GALNS: variants seen among roughly 807,000 people sequenced by gnomAD.
The protein encoded by GALNS is N-acetylgalactosamine-6-sulfatase.
In GALNS, 65 loss-of-function variants were observed where a neutral mutation model predicts 65.9. The ratio of observed to expected loss-of-function variants is 0.99; its 90% confidence interval spans 0.81 to 1.21. GALNS has a LOEUF of 1.21. Ranked by LOEUF, GALNS falls within the 50% of genes most tolerant of loss-of-function variation. GALNS has a pLI of 0.00. For missense variants in GALNS, 776 were observed against 700.7 expected, an observed-to-expected ratio of 1.11 and a Z score of -1.21; for synonymous variants, 346 against 288.9, an observed-to-expected ratio of 1.20 and a Z score of -2.00.
At chr16:88,842,516 C>A (rs1235402446) in intron 2 of GALNS, 190 bp downstream of exon 2, 1 of 681,188 alleles carries the variant, frequency 1.5e-6, no homozygotes, top group Non-Finnish European at 2.4e-6. Context: ...CCAGCAGGTG[C>A]CGCACCCCAC....
chr16:88,853,603 C>T (rs1967611316), intron 1 of GALNS, among the ~76,000 whole-genome samples: 1 of 152,202 alleles, frequency 6.6e-6, no homozygotes, highest in Admixed American at 6.5e-5. Context: ...CAGAGTGCTG[C>T]TCGCCCTGGG....
chr16:88,855,150 T>C lies in GALNS; in HGVS notation c.120+1608A>G, dbSNP rs952390933. The C allele has an allele frequency of 9.9e-6, 6 of 609,090 alleles. No homozygotes were observed. In the East Asian group the frequency reaches 2.0e-4, roughly 20 times the overall value. 37.7% of individuals were successfully genotyped at this position (609,090 alleles called of 1,614,324 possible). On this transcript the variant is annotated intron_variant, in intron 1 of 13. Coordinates refer to ENST00000268695, the MANE Select transcript of GALNS (RefSeq NM_000512.5). The stretch of plus-strand genomic sequence containing the variant: ...AAATACAGACTAACTTTATATTTTA[T>C]TTAACCCAACATAACCAAAATATTA...
intron 1 of GALNS, among the ~76,000 whole-genome samples, chr16:88,848,824 G>A (rs560676946): frequency 2.6e-5 from 4 of 152,336 alleles, no homozygotes; most frequent in African/African-American, 4.8e-5. Flanking sequence ...CCCGGGGACC[G>A]CGGGAGGACA....
intron 1 of GALNS, chr16:88,856,418 G>A: frequency 4.3e-6 from 3 of 701,240 alleles, no homozygotes; most frequent in Middle Eastern, 2.4e-4. Context: ...TCAGACGGGG[G>A]AGGCAGGGCC....
At chr16:88,834,317 G>A (rs1236864567) in intron 8 of GALNS, among the ~76,000 whole-genome samples, 1 of 146,428 alleles carries the variant, frequency 6.8e-6, no homozygotes, top group African/African-American at 2.5e-5. Flanking sequence ...CGAGGCTGTA[G>A]GGCTCTCCCC....
intron 1 of GALNS, among the ~76,000 whole-genome samples, chr16:88,852,556 G>A (rs1322976766): frequency 2.6e-5 from 4 of 152,248 alleles, no homozygotes; most frequent in Admixed American, 6.5e-5. Flanking sequence ...ACAGAAGTAG[G>A]CTTCAGAAAG....
chr16:88,818,272 G>GC lies in GALNS; in HGVS notation c.1365-149dup, dbSNP rs1909848246. On this transcript the variant is annotated intron_variant, in intron 12 of 13. Transcript: ENST00000268695. ...GGACCATGTGCTCAAGCCTGCAGCG[G>GC]CCCCGGGCCTCGCTAGGACAGGCAG... 4.2e-6 allele frequency: 3 copies of GC among 720,066 alleles called. No individual in the cohort carries two copies. In the East Asian group the frequency reaches 8.1e-5, roughly 20 times the overall value. The allele number at this position is 720,066 out of a possible 1,614,324, so 44.6% of individuals were successfully genotyped here. A position where few individuals can be genotyped will look rare whatever the true frequency, so the allele number is the denominator to read the frequency against.
At chr16:88,853,407 G>A (rs1441829814) in intron 1 of GALNS, among the ~76,000 whole-genome samples, 5 of 152,118 alleles carry the variant, frequency 3.3e-5, no homozygotes, top group Admixed American at 3.3e-4. Context: ...GGATTATTAT[G>A]AAGACGAGCA....
rs192951086 is a variant in GALNS at position 88,830,978 on chromosome 16, T to C, written c.1002+1020A>G. The stretch of plus-strand genomic sequence containing the variant: ...AAGCTCATGGTGCCCACCAGCATGC[T>C]AAAGGCACTGATAAGTCCTGCAGGG... On this transcript the variant is annotated intron_variant, in intron 9 of 13. Coordinates refer to ENST00000268695, the MANE Select transcript of GALNS (RefSeq NM_000512.5). Among the ~76,000 whole-genome samples, 387 of 152,294 alleles carry C rather than the reference T, an allele frequency of 2.5e-3. 2 individuals carry two copies. Among genetic ancestry groups the C allele is most frequent in the African/African-American group, 9.0e-3 (373 of 41,556 alleles).
At chr16:88,854,269 C>T (rs9936787) in intron 1 of GALNS, among the ~76,000 whole-genome samples, 52,595 of 151,972 alleles carry the variant, frequency 0.35, 11,174 homozygotes, top group African/African-American at 0.6. Context: ...CAGAAACAAC[C>T]GGTCTGCAGT....
intron 1 of GALNS, chr16:88,844,707 C>G (rs1200029964): frequency 6.6e-6 from 1 of 152,274 alleles, no homozygotes; most frequent in African/African-American, 2.4e-5. Flanking sequence ...ACAGGCCCAG[C>G]TGAATTCAAC....
chr16:88,846,248 T>C (rs951959717), intron 1 of GALNS, among the ~76,000 whole-genome samples: 3 of 152,098 alleles, frequency 2.0e-5, no homozygotes, highest in African/African-American at 7.2e-5. Flanking sequence ...GCCGCAGATA[T>C]GATTCAGTAA....
chr16:88,844,628 G>C (rs951408671), intron 1 of GALNS: 1 of 152,306 alleles, frequency 6.6e-6, no homozygotes, highest in East Asian at 1.9e-4. Context: ...GCCGCCTTCA[G>C]CAGCTTCGGC....
At position 88,824,886 on chromosome 16, in the gene GALNS, G is replaced by T. The variant is rs1478881249; in HGVS notation, c.1140-17C>A. On this transcript the variant is annotated splice_polypyrimidine_tract_variant and intron_variant, in intron 10 of 13. Coordinates refer to ENST00000268695, the MANE Select transcript of GALNS (RefSeq NM_000512.5). Reference sequence around the variant, plus strand: ...AAGATAGGCCTGTGGGATGGGAGGGGAGGACCATGTAATGACAGGAAGGAC... The same window carrying T: ...AAGATAGGCCTGTGGGATGGGAGGGTAGGACCATGTAATGACAGGAAGGAC... 1 of 1,608,954 alleles carries T rather than the reference G, an allele frequency of 6.2e-7. No individual in the cohort carries two copies. Among genetic ancestry groups the T allele is most frequent in the East Asian group, 2.2e-5 (1 of 44,876 alleles).
intron 9 of GALNS, among the ~76,000 whole-genome samples, chr16:88,829,333 C>T (rs1911251843): frequency 1.3e-5 from 2 of 152,206 alleles, no homozygotes; most frequent in South Asian, 4.1e-4. Context: ...GCATTCTGTC[C>T]TAGGGGCACC....
At position 88,841,927 on chromosome 16, in the gene GALNS, A is replaced by G; in HGVS notation, c.289T>C (p.Phe97Leu). ...CTGGCATGGGCGTTGGTGGTGTAGAAGCCATTGCGGATGGGTAGCCGTCCT... is the reference window on the plus strand; with the variant it reads ...CTGGCATGGGCGTTGGTGGTGTAGAGGCCATTGCGGATGGGTAGCCGTCCT... ...LTGRLPIRNG[F>L]YTTNAHARNA... Residue 97 changes from phenylalanine (F) to leucine (L), a missense_variant, in exon 3 of 14, where the codon TTC becomes CTC. Transcript: ENST00000268695. The G allele has an allele frequency of 6.2e-7, 1 of 1,613,600 alleles. No individual in the cohort carries two copies. Among genetic ancestry groups the G allele is most frequent in the Non-Finnish European group, 8.5e-7 (1 of 1,179,836 alleles).
intron 1 of GALNS, among the ~76,000 whole-genome samples, chr16:88,853,925 G>A (rs925784778): frequency 1.3e-5 from 2 of 152,198 alleles, no homozygotes; most frequent in African/African-American, 4.8e-5. Context: ...TGGGGGCAAT[G>A]GTTCTCTCCC....
At chr16:88,841,187 T>C in intron 3 of GALNS, 93 bp from the exon 4 acceptor site, 1 of 954,214 alleles carries the variant, frequency 1.0e-6, no homozygotes, top group Non-Finnish European at 1.7e-6. Flanking sequence ...CGTCCACACA[T>C]CCTAACAGGA....
intron 13 of GALNS, chr16:88,815,238 C>T (rs754923348): frequency 6.4e-5 from 63 of 985,322 alleles, no homozygotes; most frequent in Middle Eastern, 5.2e-4. Flanking sequence ...GGGGAGGTCC[C>T]GGGTATGGGG....
Sources: allele counts gnomAD v4.1 joint callset (sites outside exome capture counted in the v4.1 genomes callset), GRCh38; gene constraint gnomAD v4.1.1; transcripts MANE v1.5; gene names NCBI Gene and HGNC (gene_info 2026-07-23, HGNC 2026-07-21).